WWOX: variants seen among roughly 807,000 people sequenced by gnomAD.
WWOX encodes WW domain-containing oxidoreductase.
A neutral mutation model predicts 46.2 loss-of-function variants in WWOX; 69 were observed. The ratio of observed to expected loss-of-function variants is 1.49; its 90% CI spans 1.23 to 1.82. The LOEUF (loss-of-function observed/expected upper bound fraction) is 1.82, where lower values mean the gene tolerates loss of function less well. Ranked by LOEUF, WWOX falls within the 40% of genes most tolerant of loss-of-function variation. The pLI, the probability that WWOX is intolerant of heterozygous loss-of-function variation, is 0.00. For missense variants in WWOX, 919 were observed against 542.6 expected, an observed-to-expected ratio of 1.69 and a Z score of -6.89; for synonymous variants, 359 against 202.6, an observed-to-expected ratio of 1.77 and a Z score of -6.56.
chr16:78,132,114 T>A (rs2151697679), intron 4 of WWOX, among the ~76,000 whole-genome samples: 1 of 148,814 alleles, frequency 6.7e-6, no homozygotes, highest in Non-Finnish European at 1.5e-5. Flanking sequence ...AAGCTCCACC[T>A]CCCGGGTTCA....
intron 5 of WWOX, among the ~76,000 whole-genome samples, chr16:78,356,896 A>C (rs1597090957): frequency 2.0e-5 from 3 of 152,126 alleles, no homozygotes; most frequent in South Asian, 2.1e-4. Flanking sequence ...AACAAACAAA[A>C]AAAAGTTCCA....
In WWOX at chr16:78,164,284, G is replaced by T. The variant is rs751181600; in HGVS notation, c.511G>T (p.Glu171Ter). 1.2e-6 allele frequency: 2 copies of T among 1,613,864 alleles called. No individual in the cohort carries two copies. The highest frequency in any genetic ancestry group is 4.5e-5 in the East Asian group (2 of 44,864). ...TGAAGCAGTGTCACGCATTTTAGAAGAATGGGTAAGTGCTTGACTGTTGTT... is the reference window on the plus strand; with the variant it reads ...TGAAGCAGTGTCACGCATTTTAGAATAATGGGTAAGTGCTTGACTGTTGTT... The part of the protein sequence containing the change: ...ASEAVSRILE[E>*]WHKAKVEAMT... The change falls in exon 5 of 9, where the codon GAA becomes TAA. Residue 171 changes from glutamate (E) to a stop codon, truncating the protein, a stop_gained. Coordinates refer to ENST00000566780, the MANE Select transcript of WWOX (RefSeq NM_016373.4). LOFTEE classifies it high-confidence loss of function.
In WWOX at chr16:78,635,751, C is replaced by G. The variant is rs151321035; in HGVS notation, c.1056+202999C>G. Among the ~76,000 whole-genome samples, 675 of 152,214 alleles carry G rather than the reference C, an allele frequency of 4.4e-3. 13 individuals carry two copies. Among genetic ancestry groups the G allele is most frequent in the African/African-American group, 0.016 (654 of 41,510 alleles). Reference sequence around the variant, plus strand: ...TGTCGTCATCGTCCTTATGAAAAGCCCTGGGCATCATTTTGCCCTTGAGCT... The same window carrying G: ...TGTCGTCATCGTCCTTATGAAAAGCGCTGGGCATCATTTTGCCCTTGAGCT... On this transcript the variant is annotated intron_variant, in intron 8 of 8. Transcript: ENST00000566780.
At chr16:78,258,396 A>C (rs1471786175) in intron 5 of WWOX, among the ~76,000 whole-genome samples, 1 of 152,176 alleles carries the variant, frequency 6.6e-6, no homozygotes, top group East Asian at 1.9e-4. Context: ...TGGTATTAAC[A>C]TATTGCATTG....
At chr16:78,769,566 TTTATTTATTTATTTA>T (rs1210137714) in intron 8 of WWOX, among the ~76,000 whole-genome samples, 11 of 144,866 alleles carry the variant, frequency 7.6e-5, no homozygotes, top group Non-Finnish European at 1.5e-4. Flanking sequence ...TATTTATTTA[TTTATTTATTTATTTA>T]TTTTTACCAT....
At chr16:78,801,725 C>T (rs1567569967) in intron 8 of WWOX, among the ~76,000 whole-genome samples, 1 of 152,118 alleles carries the variant, frequency 6.6e-6, no homozygotes, top group Admixed American at 6.5e-5. Context: ...CACCCCCATC[C>T]TGCCATTGTC....
intron 5 of WWOX, among the ~76,000 whole-genome samples, chr16:78,383,398 G>C (rs531117732): frequency 6.6e-6 from 1 of 152,264 alleles, no homozygotes; most frequent in African/African-American, 2.4e-5. Context: ...TCAAATAAAA[G>C]TTAACAACCA....
chr16:79,141,378 A>G (rs1187313760), intron 8 of WWOX, among the ~76,000 whole-genome samples: 2 of 152,198 alleles, frequency 1.3e-5, no homozygotes, highest in African/African-American at 4.8e-5. Context: ...GGCATGTGTC[A>G]TCAGGCCCTC....
At chr16:78,430,037 C>T (rs1235925037) in intron 7 of WWOX, among the ~76,000 whole-genome samples, 1 of 152,044 alleles carries the variant, frequency 6.6e-6, no homozygotes, top group African/African-American at 2.4e-5. Context: ...ATACCCGAGA[C>T]CGGGTAATTT....
intron 8 of WWOX, among the ~76,000 whole-genome samples, chr16:78,486,657 C>T (rs113699638): frequency 0.016 from 2,401 of 152,256 alleles, 60 homozygotes; most frequent in African/African-American, 0.055. Flanking sequence ...TCACTGCAGC[C>T]TCTGCCTCCT....
chr16:78,254,562 A>G lies in WWOX; in HGVS notation c.516+90273A>G, dbSNP rs144422341. On this transcript the variant is annotated intron_variant, in intron 5 of 8. Transcript: ENST00000566780. ...ACTCTGTGGCCCAGGCTAGTATGCAATGGAGCAATCTCAGCTCACTGCAAC... is the reference window on the plus strand; with the variant it reads ...ACTCTGTGGCCCAGGCTAGTATGCAGTGGAGCAATCTCAGCTCACTGCAAC... 6.2e-3 allele frequency among the ~76,000 whole-genome samples: 805 copies of G among 130,516 alleles called. 9 individuals carry two copies. Among genetic ancestry groups the G allele is most frequent in the Non-Finnish European group, 0.01 (665 of 64,702 alleles). 85.6% of individuals were successfully genotyped at this position (130,516 alleles called of 152,430 possible).
At chr16:78,387,115 C>T (rs2082076494) in intron 6 of WWOX, among the ~76,000 whole-genome samples, 167 bp downstream of exon 6, 1 of 152,186 alleles carries the variant, frequency 6.6e-6, no homozygotes, top group Non-Finnish European at 1.5e-5. Context: ...TCTTGACTCA[C>T]AGTCACCTTC....
chr16:78,775,041 C>T (rs74876321), intron 8 of WWOX, among the ~76,000 whole-genome samples: 4,413 of 152,226 alleles, frequency 0.029, 73 homozygotes, highest in Admixed American at 0.038. Flanking sequence ...TCACAGCCCT[C>T]ACTCCTGAGG....
intron 8 of WWOX, among the ~76,000 whole-genome samples, chr16:78,467,442 G>C (rs568665276): frequency 6.6e-6 from 1 of 152,236 alleles, no homozygotes; most frequent in South Asian, 2.1e-4. Flanking sequence ...GATTAAAACA[G>C]AAATTAAAGA....
intron 8 of WWOX, among the ~76,000 whole-genome samples, chr16:78,663,724 T>G (rs2047267898): frequency 6.6e-6 from 1 of 151,866 alleles, no homozygotes; most frequent in African/African-American, 2.4e-5. Flanking sequence ...AGATAGTGAT[T>G]GTGTGTGTGA....
At chr16:78,225,906 A>G (rs1295758913) in intron 5 of WWOX, among the ~76,000 whole-genome samples, 1 of 152,128 alleles carries the variant, frequency 6.6e-6, no homozygotes. Context: ...CTTCTATTCT[A>G]CATCTAAATA....
chr16:78,487,573 C>T (rs1230895544), intron 8 of WWOX, among the ~76,000 whole-genome samples: 2 of 152,116 alleles, frequency 1.3e-5, no homozygotes, highest in African/African-American at 2.4e-5. Flanking sequence ...GGTGTTGAGG[C>T]TTCGTGCTGT....
intron 8 of WWOX, among the ~76,000 whole-genome samples, chr16:78,457,195 T>G (rs1454718781): frequency 6.6e-6 from 1 of 152,248 alleles, no homozygotes. Context: ...AATAGACCTT[T>G]CAGGAACCTT....
chr16:78,810,584 C>T (rs1222897976), intron 8 of WWOX, among the ~76,000 whole-genome samples: 1 of 152,196 alleles, frequency 6.6e-6, no homozygotes, highest in Non-Finnish European at 1.5e-5. Flanking sequence ...CCATGATTGC[C>T]TTGACAAATT....
Sources: allele counts gnomAD v4.1 joint callset (sites outside exome capture counted in the v4.1 genomes callset), GRCh38; gene constraint gnomAD v4.1.1; transcripts MANE v1.5; gene names NCBI Gene and HGNC (gene_info 2026-07-23, HGNC 2026-07-21).